TCAF2: variants seen among roughly 807,000 people sequenced by gnomAD.
TCAF2 encodes the protein TRPM8 channel associated factor 2.
Under a neutral mutation model 33.9 loss-of-function variants are expected in TCAF2, and 6 were observed. That is an observed-to-expected ratio of 0.18 (90% confidence interval 0.10 to 0.35). The LOEUF is 0.35. Ranked by LOEUF, TCAF2 falls within the 10% of genes least tolerant of loss-of-function variation. The probability of loss-of-function intolerance (pLI) is 1.00; values close to 1 mark genes in which losing one functional copy is unlikely to be tolerated. For missense variants in TCAF2, 109 were observed against 604.0 expected (o/e 0.18, Z 8.59); for synonymous variants, 41 against 247.8 (o/e 0.17, Z 7.84).
chr7:143,635,102 A>G (rs1808914027), intron 1 of TCAF2, among the ~76,000 whole-genome samples: 2 of 54,654 alleles, frequency 3.7e-5, no homozygotes, highest in African/African-American at 6.6e-5. Flanking sequence ...TTTACATTCT[A>G]TACAATCTCA....
At chr7:143,701,786 A>ATTTTATTTTG in intron 1 of TCAF2, among the ~76,000 whole-genome samples, 1 of 121,748 alleles carries the variant, frequency 8.2e-6, no homozygotes, top group Admixed American at 8.1e-5. Context: ...ATTTTATTTT[A>ATTTTATTTTG]TTTTATTTTA....
intron 2 of TCAF2, among the ~76,000 whole-genome samples, chr7:143,714,145 TG>T (rs1586682887): frequency 1.5e-5 from 1 of 67,052 alleles, no homozygotes; most frequent in African/African-American, 7.4e-5. Context: ...ACTCAAGTGT[TG>T]GGGGCTGCAG....
chr7:143,634,819 C>A (rs1808902224), intron 1 of TCAF2, among the ~76,000 whole-genome samples: 1 of 105,338 alleles, frequency 9.5e-6, no homozygotes, highest in East Asian at 2.5e-4. Flanking sequence ...ATTATCAATG[C>A]CCATATTGTT....
chr7:143,720,782 C>T lies in TCAF2; in HGVS notation c.1615+108C>T, dbSNP rs766963082. 3 of 1,035,374 alleles carry T rather than the reference C, an allele frequency of 2.9e-6. 1 individual carries two copies. The highest frequency in any genetic ancestry group is 3.8e-6 in the Non-Finnish European group (3 of 790,602). The allele number at this position is 1,035,374 out of a possible 1,614,324, so 64.1% of individuals were successfully genotyped here. A position where few individuals can be genotyped will look rare whatever the true frequency, so the allele number is the denominator to read the frequency against. On this transcript the variant is annotated intron_variant, in intron 3 of 7. Coordinates refer to ENST00000684770, the MANE Select transcript of TCAF2 (RefSeq NM_001363538.2). Reference sequence around the variant, plus strand: ...GTACTTACCCTCAGGAAGATTGACCCCATTCTTTTTTTTTTTGAGACAGAG... The same window carrying T: ...GTACTTACCCTCAGGAAGATTGACCTCATTCTTTTTTTTTTTGAGACAGAG...
In TCAF2 at chr7:143,628,158, A is replaced by G. The variant is rs1302661916; in HGVS notation, c.-12+7138A>G. On this transcript the variant is annotated intron_variant, in intron 1 of 7. Transcript: ENST00000684770. ...TAACACTGAAATTTAAATAAAACCC[A>G]AATATTTTGATTTCTTGATACAAAT... 4.5e-5 allele frequency among the ~76,000 whole-genome samples: 3 copies of G among 66,562 alleles called. No individual in the cohort carries two copies. The Admixed American group carries it at 6.3e-4, about 14-fold the overall frequency. The allele number at this position is 66,562 out of a possible 152,430, so 43.7% of individuals were successfully genotyped here.
At position 143,724,810 on chromosome 7, in the gene TCAF2, C is replaced by G. The variant is rs563477644; in HGVS notation, c.2505+113C>G. On this transcript the variant is annotated intron_variant, in intron 7 of 7. Coordinates refer to ENST00000684770, the MANE Select transcript of TCAF2 (RefSeq NM_001363538.2). ...GCCACTCCACCAGCCTGGACCTCCA[C>G]CTCCCCTGGAAATGAGAGGGACTGG... 7.2e-5 allele frequency: 114 copies of G among 1,573,662 alleles called. 1 individual carries two copies. The highest frequency in any genetic ancestry group is 8.7e-5 in the Non-Finnish European group (101 of 1,162,116).
chr7:143,647,322 C>T, intron 1 of TCAF2: 2 of 368,866 alleles, frequency 5.4e-6, no homozygotes, highest in East Asian at 3.6e-5. Flanking sequence ...GCAGGCCATG[C>T]TCCGATAGGA....
At chr7:143,648,195 G>C (rs1197677232) in intron 1 of TCAF2, among the ~76,000 whole-genome samples, 2 of 105,664 alleles carry the variant, frequency 1.9e-5, no homozygotes, top group African/African-American at 6.3e-5. Flanking sequence ...GGGACTACAG[G>C]TGTAAGCCAC....
Position 143,724,587 on chromosome 7 carries a change from C to T in TCAF2, c.2395C>T (p.His799Tyr). 2.5e-6 allele frequency: 4 copies of T among 1,611,004 alleles called. No homozygotes were observed. Among genetic ancestry groups the T allele is most frequent in the Non-Finnish European group, 3.4e-6 (4 of 1,179,598 alleles). The change falls in exon 7 of 8, where the codon CAC (histidine) becomes TAC (tyrosine). Residue 799 changes from histidine (H) to tyrosine (Y), a missense_variant. Transcript: ENST00000684770. ...TVLGIPRAQA[H>Y]EALSPPERER... is the part of the protein sequence containing the mutation. Reference sequence around the variant, plus strand: ...CCTGGGGATCCCCAGGGCTCAGGCCCACGAGGCTCTGAGCCCTCCAGAGCG... The same window carrying T: ...CCTGGGGATCCCCAGGGCTCAGGCCTACGAGGCTCTGAGCCCTCCAGAGCG...
chr7:143,729,337 A>T lies in TCAF2; in HGVS notation c.*1670A>T, dbSNP rs988110588. On this transcript the variant is annotated 3_prime_UTR_variant, in exon 8 of 8. Transcript: ENST00000684770. ...AATTGAAGCCCATAGCAATGAAAAC[A>T]TTGTGGAACTTATTCTTCATGAATG... 6.6e-6 allele frequency: 1 copy of T among 152,220 alleles called. No homozygotes were observed. Among genetic ancestry groups the T allele is most frequent in the Non-Finnish European group, 1.5e-5 (1 of 68,036 alleles). 9.4% of individuals were successfully genotyped at this position (152,220 alleles called of 1,614,324 possible). A position where few individuals can be genotyped will look rare whatever the true frequency, so the allele number is the denominator to read the frequency against.
chr7:143,635,003 A>AT (rs1808912111), intron 1 of TCAF2, among the ~76,000 whole-genome samples: 1 of 103,532 alleles, frequency 9.7e-6, no homozygotes. Flanking sequence ...TTTTGATGTT[A>AT]TAGATCCTAA....
chr7:143,728,323 A>G lies in TCAF2; in HGVS notation c.*656A>G, dbSNP rs547940013. The G allele has an allele frequency of 6.5e-6, 1 of 154,310 alleles. No homozygotes were observed. The highest frequency in any genetic ancestry group is 1.9e-4 in the East Asian group (1 of 5,194). The allele number at this position is 154,310 out of a possible 1,614,324, so 9.6% of individuals were successfully genotyped here. On this transcript the variant is annotated 3_prime_UTR_variant, in exon 8 of 8. Coordinates refer to ENST00000684770, the MANE Select transcript of TCAF2 (RefSeq NM_001363538.2). ...TGGGGTTAGCATTCAGTCCTTGTATATTTAGAGAATGTCAATGTTTTCCCA... is the reference window on the plus strand; with the variant it reads ...TGGGGTTAGCATTCAGTCCTTGTATGTTTAGAGAATGTCAATGTTTTCCCA...
chr7:143,701,507 C>T (rs1236495844), intron 1 of TCAF2, among the ~76,000 whole-genome samples: 3 of 23,862 alleles, frequency 1.3e-4, no homozygotes. Context: ...CCTTGTGCAC[C>T]TGCAGAGGTG....
intron 1 of TCAF2, chr7:143,636,658 A>C (rs2116475625): frequency 1.3e-5 from 1 of 78,182 alleles, no homozygotes; most frequent in African/African-American, 5.3e-5. Flanking sequence ...TTTTATGAAA[A>C]TATTTCAAAA....
rs1245994968 is a variant in TCAF2, at chr7:143,728,796, CT to C, written c.*1131del. 6.6e-6 allele frequency: 1 copy of C among 152,226 alleles called. No individual in the cohort carries two copies. Among genetic ancestry groups the C allele is most frequent in the African/African-American group, 2.4e-5 (1 of 41,448 alleles). 9.4% of individuals were successfully genotyped at this position (152,226 alleles called of 1,614,324 possible). On this transcript the variant is annotated 3_prime_UTR_variant, in exon 8 of 8. Transcript: ENST00000684770. ...AATCTCATTCTAGCCCATCTTGACT[CT>C]TCGGTTAGAGGGAGTTCTCATTGGA... is the stretch of plus-strand genomic sequence containing the variant.
At chr7:143,718,395 T>A (rs944610817) in intron 2 of TCAF2, among the ~76,000 whole-genome samples, 1 of 150,478 alleles carries the variant, frequency 6.6e-6, no homozygotes, top group Non-Finnish European at 1.5e-5. Flanking sequence ...TGCTTCTATG[T>A]CTGGTTTCTT....
rs142539094 is a variant in TCAF2 at position 143,724,382 on chromosome 7, C to T, written c.2190C>T (p.Pro730=). The change falls in exon 7 of 8, where the codon CCC becomes CCT. Residue 730 remains proline, a synonymous_variant. Transcript: ENST00000684770. Reference sequence around the variant, plus strand: ...CAGGCTGGATGCATTCAGGATACCCCATCATGTGCCACCTGGAGTCTGTGA... The same window carrying T: ...CAGGCTGGATGCATTCAGGATACCCTATCATGTGCCACCTGGAGTCTGTGA... ...ISAGWMHSGY[P]IMCHLESVKE... The T allele has an allele frequency of 4.1e-3, 6,537 of 1,596,948 alleles. 185 individuals are homozygous for T. The African/African-American group carries it at 0.06, about 15-fold the overall frequency.
chr7:143,702,117 T>G (rs1205176337), intron 1 of TCAF2, among the ~76,000 whole-genome samples: 8 of 12,492 alleles, frequency 6.4e-4, no homozygotes, highest in South Asian at 5.0e-3. Flanking sequence ...CCACTGCGCC[T>G]GGCCTATCCA....
rs1809772198 is a variant in TCAF2 at position 143,729,739 on chromosome 7, G to A, written c.*2072G>A. The A allele has an allele frequency of 6.6e-6, 1 of 151,976 alleles. No homozygotes were observed. Among genetic ancestry groups the A allele is most frequent in the Admixed American group, 6.5e-5 (1 of 15,274 alleles). The allele number at this position is 151,976 out of a possible 1,614,324, so 9.4% of individuals were successfully genotyped here. A position where few individuals can be genotyped will look rare whatever the true frequency, so the allele number is the denominator to read the frequency against. ...TAAGCTCTGCATGCATTAGATATTT[G>A]TCCTAATGCTCTCCCTCCCATTGCC... is the stretch of plus-strand genomic sequence containing the variant. On this transcript the variant is annotated 3_prime_UTR_variant, in exon 8 of 8. Coordinates refer to ENST00000684770, the MANE Select transcript of TCAF2 (RefSeq NM_001363538.2).
Sources: gnomAD v4.1 joint callset for allele counts (sites outside exome capture counted in the v4.1 genomes callset) on GRCh38, gnomAD v4.1.1 for gene constraint, MANE v1.5 for transcripts, NCBI Gene and HGNC (gene_info 2026-07-23, HGNC 2026-07-21) for gene names.